Variants in CTNND2 observed in about 807,000 individuals in gnomAD.
The protein encoded by CTNND2 is catenin delta-2.
CTNND2 carries 22 observed loss-of-function variants against 144.4 expected under a neutral mutation model. The observed-to-expected ratio is 0.15, with a 90% CI of 0.11 to 0.22. CTNND2 has a LOEUF of 0.22. Ranked by LOEUF, CTNND2 falls within the 10% of genes least tolerant of loss-of-function variation. CTNND2 has a pLI of 1.00. For missense variants in CTNND2, 1,353 were observed against 1,618.8 expected (o/e 0.84, Z 2.82); for synonymous variants, 751 against 695.6 (o/e 1.08, Z -1.25).
At chr5:11,377,277 G>A (rs748433124) in intron 7 of CTNND2, among the ~76,000 whole-genome samples, 1 of 151,836 alleles carries the variant, frequency 6.6e-6, no homozygotes, top group African/African-American at 2.4e-5. Flanking sequence ...GGCTGGTCTC[G>A]AACTCCTGAC....
chr5:11,793,317 T>C (rs976361397), intron 1 of CTNND2, among the ~76,000 whole-genome samples: 1 of 152,186 alleles, frequency 6.6e-6, no homozygotes, highest in Non-Finnish European at 1.5e-5. Context: ...CCAAAAAACC[T>C]GGATTCATCC....
chr5:11,271,175 T>C (rs1241591083), intron 9 of CTNND2, among the ~76,000 whole-genome samples: 1 of 152,220 alleles, frequency 6.6e-6, no homozygotes, highest in Non-Finnish European at 1.5e-5. Flanking sequence ...TCTTTTCTAG[T>C]CTGTTCTGTT....
chr5:11,720,548 C>T (rs1194675114), intron 2 of CTNND2, among the ~76,000 whole-genome samples: 1 of 152,082 alleles, frequency 6.6e-6, no homozygotes. Flanking sequence ...CTGTCTCACC[C>T]GACCACCCAC....
intron 9 of CTNND2, among the ~76,000 whole-genome samples, chr5:11,284,204 G>A (rs927231523): frequency 6.6e-6 from 1 of 152,194 alleles, no homozygotes; most frequent in Non-Finnish European, 1.5e-5. Context: ...GGGTTGTGCA[G>A]GGCTGTCAGT....
intron 16 of CTNND2, among the ~76,000 whole-genome samples, chr5:11,047,197 G>C (rs1745349043): frequency 6.6e-6 from 1 of 152,124 alleles, no homozygotes; most frequent in African/African-American, 2.4e-5. Flanking sequence ...ACTTGCACAT[G>C]GCACTCCGGC....
chr5:11,394,496 A>G (rs1759898357), intron 6 of CTNND2, among the ~76,000 whole-genome samples: 1 of 152,222 alleles, frequency 6.6e-6, no homozygotes, highest in Non-Finnish European at 1.5e-5. Context: ...CAGTGGGGAA[A>G]GGATATCTGT....
chr5:11,506,089 G>T (rs549274224), intron 3 of CTNND2, among the ~76,000 whole-genome samples: 50 of 152,258 alleles, frequency 3.3e-4, no homozygotes, highest in African/African-American at 1.1e-3. Context: ...CTTGGCCACT[G>T]ACGGAGGCTC....
chr5:11,063,409 T>C (rs1379248162), intron 16 of CTNND2, among the ~76,000 whole-genome samples: 1 of 152,190 alleles, frequency 6.6e-6, no homozygotes, highest in African/African-American at 2.4e-5. Context: ...ATTCTGCTAA[T>C]AACTACAGTA....
intron 2 of CTNND2, among the ~76,000 whole-genome samples, chr5:11,580,882 A>G (rs896408623): frequency 2.0e-5 from 3 of 152,182 alleles, no homozygotes; most frequent in Admixed American, 1.3e-4. Flanking sequence ...CTGTAATTCA[A>G]ACAGGGGTAG....
intron 1 of CTNND2, among the ~76,000 whole-genome samples, chr5:11,757,768 T>C (rs767222723): frequency 6.6e-6 from 1 of 152,020 alleles, no homozygotes; most frequent in Non-Finnish European, 1.5e-5. Context: ...CATCTTTCTA[T>C]GACTTGTCAA....
At chr5:11,557,871 T>C (rs1237627748) in intron 3 of CTNND2, among the ~76,000 whole-genome samples, 1 of 152,180 alleles carries the variant, frequency 6.6e-6, no homozygotes, top group Non-Finnish European at 1.5e-5. Context: ...AGGGAGTTAT[T>C]GAAGAGACAT....
intron 11 of CTNND2, among the ~76,000 whole-genome samples, chr5:11,169,052 T>G (rs1759635794): frequency 6.6e-6 from 1 of 152,166 alleles, no homozygotes; most frequent in South Asian, 2.1e-4. Context: ...GGCTGTGAAC[T>G]AGAGAGCTGG....
intron 1 of CTNND2, among the ~76,000 whole-genome samples, chr5:11,868,001 C>T (rs1166382200): frequency 6.6e-6 from 1 of 151,636 alleles, no homozygotes; most frequent in Non-Finnish European, 1.5e-5. Context: ...TTTTGTCAAC[C>T]AAGATAAACC....
chr5:11,180,397 G>T (rs1760886121), intron 11 of CTNND2, among the ~76,000 whole-genome samples: 1 of 152,104 alleles, frequency 6.6e-6, no homozygotes, highest in Non-Finnish European at 1.5e-5. Flanking sequence ...CTAATACAAG[G>T]GTCATGTGGC....
intron 1 of CTNND2, among the ~76,000 whole-genome samples, chr5:11,865,639 T>C (rs1396443008): frequency 6.6e-6 from 1 of 152,070 alleles, no homozygotes; most frequent in Non-Finnish European, 1.5e-5. Flanking sequence ...CCAGTGAATA[T>C]GTTATGTTCA....
chr5:11,877,680 T>A (rs941410190), intron 1 of CTNND2, among the ~76,000 whole-genome samples: 33 of 150,564 alleles, frequency 2.2e-4, no homozygotes, highest in African/African-American at 7.8e-4. Context: ...GCAAAAAAAA[T>A]TTCCCACCTT....
At chr5:11,113,186 TAC>T (rs1254818036) in intron 13 of CTNND2, among the ~76,000 whole-genome samples, 1 of 152,174 alleles carries the variant, frequency 6.6e-6, no homozygotes, top group Non-Finnish European at 1.5e-5. Flanking sequence ...CAGTATCATG[TAC>T]AGAGCCACAG....
At chr5:11,464,140 T>C (rs1240714079) in intron 3 of CTNND2, among the ~76,000 whole-genome samples, 1 of 152,216 alleles carries the variant, frequency 6.6e-6, no homozygotes, top group Admixed American at 6.5e-5. Context: ...TTCCTACAAG[T>C]GCCTAGTCCT....
intron 11 of CTNND2, among the ~76,000 whole-genome samples, chr5:11,161,416 T>C (rs1349421477): frequency 6.6e-6 from 1 of 152,202 alleles, no homozygotes; most frequent in Non-Finnish European, 1.5e-5. Flanking sequence ...TCAGAATATA[T>C]TCTGATTTGG....
Sources: gnomAD v4.1 joint callset for allele counts (sites outside exome capture counted in the v4.1 genomes callset) on GRCh38, gnomAD v4.1.1 for gene constraint, MANE v1.5 for transcripts, NCBI Gene and HGNC (gene_info 2026-07-23, HGNC 2026-07-21) for gene names.